Variants in AK5 observed in about 807,000 individuals in gnomAD.
AK5 encodes the protein adenylate kinase 5.
A neutral mutation model predicts 69.5 loss-of-function variants in AK5; 27 were observed. The ratio of observed to expected loss-of-function variants is 0.39; its 90% CI spans 0.29 to 0.54. The LOEUF is 0.54. Among genes scored for constraint, AK5 ranks in the 20% least tolerant of loss-of-function variants. AK5 has a pLI of 0.71. For missense variants in AK5, 531 were observed against 700.4 expected, an observed-to-expected ratio of 0.76 and a Z score of 2.73; for synonymous variants, 260 against 244.4, an observed-to-expected ratio of 1.06 and a Z score of -0.60.
chr1:77,355,980 A>C (rs112168226), intron 6 of AK5, among the ~76,000 whole-genome samples: 1 of 152,208 alleles, frequency 6.6e-6, no homozygotes, highest in Non-Finnish European at 1.5e-5. Context: ...AGCCTGAAAA[A>C]ATGTTTCCAC....
rs747870282 is a variant in AK5, at chr1:77,535,961, G to A, written c.1543G>A (p.Ala515Thr). ...LPVDDTTKTI[A>T]KRLEAYYRAS... is the part of the protein sequence containing the mutation. ...TGTGGACGACACCACCAAGACCATC[G>A]CCAAGCGCCTAGAAGCCTACTACCG... Residue 515 changes from alanine to threonine, a missense_variant, in exon 13 of 14, where the codon GCC (alanine) becomes ACC (threonine). Coordinates refer to ENST00000354567, the MANE Select transcript of AK5 (RefSeq NM_174858.3). The A allele has an allele frequency of 2.0e-5, 32 of 1,613,682 alleles. No individual in the cohort carries two copies. In the East Asian group the frequency reaches 4.5e-4, roughly 22 times the overall value.
At chr1:77,310,678 G>C (rs2100291190) in intron 5 of AK5, among the ~76,000 whole-genome samples, 1 of 152,116 alleles carries the variant, frequency 6.6e-6, no homozygotes, top group South Asian at 2.1e-4. Flanking sequence ...ACCGCACCCG[G>C]CCCTATTCTT....
chr1:77,325,811 TTGAAC>T (rs1225551488), intron 5 of AK5, among the ~76,000 whole-genome samples: 2 of 151,948 alleles, frequency 1.3e-5, no homozygotes, highest in Non-Finnish European at 2.9e-5. Context: ...TAAATGTTTG[TTGAAC>T]TGAAGTGGAC....
intron 8 of AK5, among the ~76,000 whole-genome samples, chr1:77,446,562 C>A (rs778828537): frequency 6.6e-6 from 1 of 152,120 alleles, no homozygotes; most frequent in South Asian, 2.1e-4. Context: ...TCCATGAGCA[C>A]TTATTTGTAT....
chr1:77,326,157 G>A (rs1268100155), intron 5 of AK5, among the ~76,000 whole-genome samples: 1 of 152,124 alleles, frequency 6.6e-6, no homozygotes, highest in Non-Finnish European at 1.5e-5. Context: ...AAAGAGGAGA[G>A]TTATTCTGAG....
At chr1:77,368,321 ATATATATGTTATATATGT>A (rs71075738) in intron 6 of AK5, among the ~76,000 whole-genome samples, 16 of 123,110 alleles carry the variant, frequency 1.3e-4, no homozygotes, top group Non-Finnish European at 1.9e-4. Flanking sequence ...GTTATATATA[ATATATATGTTATATATGT>A]TATATATATA....
At chr1:77,406,829 G>A (rs1570516749) in intron 6 of AK5, among the ~76,000 whole-genome samples, 1 of 152,068 alleles carries the variant, frequency 6.6e-6, no homozygotes. Context: ...CATGGGGAGA[G>A]GCTTTGCTCA....
intron 8 of AK5, among the ~76,000 whole-genome samples, chr1:77,456,985 A>T (rs1327833926): frequency 2.0e-5 from 3 of 149,294 alleles, no homozygotes; most frequent in African/African-American, 4.9e-5. Flanking sequence ...AAATGGCTTT[A>T]TTCTTTCCTC....
At position 77,396,715 on chromosome 1, in the gene AK5, A is replaced by G. The variant is rs947550806; in HGVS notation, c.892-14266A>G. Among the ~76,000 whole-genome samples, 5 of 152,384 alleles carry G rather than the reference A, an allele frequency of 3.3e-5. No homozygotes were observed. In the South Asian group the frequency reaches 1.0e-3, roughly 32 times the overall value. On this transcript the variant is annotated intron_variant, in intron 6 of 13. Transcript: ENST00000354567. ...GGATTTGTTCTTGCAGAGCTGAAAT[A>G]GCTTAATGCTTAAGAGCACAGGCAT...
chr1:77,362,241 T>A (rs1646877844), intron 6 of AK5, among the ~76,000 whole-genome samples: 1 of 152,332 alleles, frequency 6.6e-6, no homozygotes, highest in East Asian at 1.9e-4. Context: ...TATTTTCAGA[T>A]CATTTCACTT....
intron 6 of AK5, among the ~76,000 whole-genome samples, chr1:77,358,930 C>CA (rs1047395616): frequency 1.7e-3 from 248 of 141,800 alleles, no homozygotes; most frequent in Admixed American, 0.012. Context: ...TGAACTAAAA[C>CA]AAAAAAAAAA....
chr1:77,464,870 G>C (rs1654046409), intron 8 of AK5, among the ~76,000 whole-genome samples: 1 of 152,080 alleles, frequency 6.6e-6, no homozygotes, highest in South Asian at 2.1e-4. Flanking sequence ...AGAAGCAGGG[G>C]GAATAATGAG....
At chr1:77,423,647 C>T (rs1557582147) in intron 8 of AK5, among the ~76,000 whole-genome samples, 1 of 151,880 alleles carries the variant, frequency 6.6e-6, no homozygotes, top group Non-Finnish European at 1.5e-5. Context: ...TGTACCAGGG[C>T]TGGAAACACT....
chr1:77,511,753 A>G (rs1034413382), intron 10 of AK5, among the ~76,000 whole-genome samples: 1 of 152,208 alleles, frequency 6.6e-6, no homozygotes, highest in East Asian at 1.9e-4. Flanking sequence ...CAGGGAGAGC[A>G]GGCTGATGGT....
At chr1:77,368,897 C>G (rs1264461501) in intron 6 of AK5, among the ~76,000 whole-genome samples, 1 of 152,120 alleles carries the variant, frequency 6.6e-6, no homozygotes, top group Non-Finnish European at 1.5e-5. Context: ...TGTATCACTC[C>G]TTAGTCAACC....
At chr1:77,529,151 G>A (rs1026751051) in intron 12 of AK5, among the ~76,000 whole-genome samples, 1 of 152,030 alleles carries the variant, frequency 6.6e-6, no homozygotes, top group Admixed American at 6.5e-5. Context: ...AATATTTAAT[G>A]TATGTTCTCC....
intron 6 of AK5, among the ~76,000 whole-genome samples, chr1:77,404,059 A>T (rs1247129451): frequency 6.6e-6 from 1 of 152,198 alleles, no homozygotes; most frequent in Admixed American, 6.5e-5. Context: ...TCTTTGAAGC[A>T]ATTGTGAATG....
chr1:77,454,900 C>A (rs987092669), intron 8 of AK5, among the ~76,000 whole-genome samples: 9 of 152,130 alleles, frequency 5.9e-5, no homozygotes, highest in African/African-American at 2.2e-4. Context: ...GTCATCTTCT[C>A]TCTGGACAAA....
At chr1:77,414,755 C>A (rs1279274117) in intron 7 of AK5, among the ~76,000 whole-genome samples, 2 of 152,104 alleles carry the variant, frequency 1.3e-5, no homozygotes, top group Admixed American at 6.6e-5. Flanking sequence ...CCTAATTTTT[C>A]TGTCTTTTTT....
Sources: gnomAD v4.1 joint callset for allele counts (sites outside exome capture counted in the v4.1 genomes callset) on GRCh38, gnomAD v4.1.1 for gene constraint, MANE v1.5 for transcripts, NCBI Gene and HGNC (gene_info 2026-07-23, HGNC 2026-07-21) for gene names.